PDE4B: variants seen among roughly 807,000 people sequenced by gnomAD.
PDE4B encodes 3',5'-cyclic-AMP phosphodiesterase 4B.
A neutral mutation model predicts 82.2 loss-of-function variants in PDE4B; 20 were observed. The ratio of observed to expected loss-of-function variants is 0.24; its 90% confidence interval spans 0.17 to 0.35. The LOEUF (loss-of-function observed/expected upper bound fraction) is 0.35, where lower values mean the gene tolerates loss of function less well. PDE4B is among the 10% of genes least tolerant of loss of function. PDE4B has a pLI of 1.00. For missense variants in PDE4B, 655 were observed against 907.2 expected (o/e 0.72, Z 3.57); for synonymous variants, 320 against 318.9 (o/e 1.00, Z -0.04).
rs546656452 is a variant in PDE4B, at chr1:65,958,988, A to T, written c.281+40153A>T. On this transcript the variant is annotated intron_variant, in intron 3 of 16. Coordinates refer to ENST00000341517, the MANE Select transcript of PDE4B (RefSeq NM_002600.4). ...AATTTGAGTGTGTTCTGTGCTTCCC[A>T]GATGCAGAAATAAAATATTTTCTTT... Among the ~76,000 whole-genome samples, 17 of 152,342 alleles carry T rather than the reference A, an allele frequency of 1.1e-4. No individual in the cohort carries two copies. In the South Asian group the frequency reaches 3.5e-3, roughly 32 times the overall value.
intron 9 of PDE4B, among the ~76,000 whole-genome samples, chr1:66,359,196 T>G (rs988020794): frequency 6.6e-6 from 1 of 152,238 alleles, no homozygotes. Context: ...ATTTTCAAGA[T>G]GCAAGGAAAA....
chr1:66,204,829 G>A (rs565282072), intron 3 of PDE4B, among the ~76,000 whole-genome samples: 13 of 152,286 alleles, frequency 8.5e-5, no homozygotes, highest in African/African-American at 1.9e-4. Context: ...GCTTCAGCTC[G>A]CTCACGGTGT....
intron 3 of PDE4B, among the ~76,000 whole-genome samples, chr1:66,162,656 T>C (rs1646640729): frequency 6.6e-6 from 1 of 152,172 alleles, no homozygotes; most frequent in Non-Finnish European, 1.5e-5. Context: ...GCATGCCAAA[T>C]TTAAAAATCT....
intron 3 of PDE4B, among the ~76,000 whole-genome samples, chr1:66,060,055 T>C (rs917417281): frequency 3.3e-5 from 5 of 152,236 alleles, no homozygotes; most frequent in East Asian, 1.9e-4. Context: ...ATGACCCATA[T>C]GTAAAGATTA....
intron 1 of PDE4B, among the ~76,000 whole-genome samples, chr1:65,883,609 G>C (rs1217550652): frequency 3.3e-5 from 5 of 152,208 alleles, no homozygotes; most frequent in Admixed American, 2.0e-4. Flanking sequence ...CAAACAGGGA[G>C]AATTTGACTT....
chr1:66,172,961 CTGAAGT>C (rs1163265357), intron 3 of PDE4B, among the ~76,000 whole-genome samples: 4 of 152,134 alleles, frequency 2.6e-5, no homozygotes, highest in Non-Finnish European at 5.9e-5. Context: ...CTTCTGGAAT[CTGAAGT>C]TGTATAATTA....
intron 3 of PDE4B, among the ~76,000 whole-genome samples, chr1:66,170,672 G>A (rs1557607902): frequency 6.6e-6 from 1 of 152,008 alleles, no homozygotes; most frequent in Non-Finnish European, 1.5e-5. Context: ...CCTCTTTTTA[G>A]AGCTATCAGA....
intron 3 of PDE4B, among the ~76,000 whole-genome samples, chr1:65,963,109 G>A (rs777343924): frequency 3.3e-5 from 5 of 152,088 alleles, no homozygotes; most frequent in African/African-American, 7.2e-5. Flanking sequence ...CTCAAGATGC[G>A]ACAAGTCAGC....
chr1:66,356,650 G>T (rs759141760), intron 9 of PDE4B, among the ~76,000 whole-genome samples: 2 of 152,136 alleles, frequency 1.3e-5, no homozygotes, highest in Non-Finnish European at 2.9e-5. Context: ...TACCTTTTCT[G>T]GTTTTATTTC....
chr1:66,091,686 T>C (rs2100994345), intron 3 of PDE4B, among the ~76,000 whole-genome samples: 1 of 152,118 alleles, frequency 6.6e-6, no homozygotes, highest in East Asian at 1.9e-4. Context: ...TTGTAGTTGC[T>C]CAAGAGTAGG....
At chr1:65,997,183 C>G (rs1202340956) in intron 3 of PDE4B, among the ~76,000 whole-genome samples, 1 of 129,146 alleles carries the variant, frequency 7.7e-6, no homozygotes, top group Non-Finnish European at 1.6e-5. Context: ...CATTGCTGCT[C>G]CTTTTTGGAG....
intron 1 of PDE4B, among the ~76,000 whole-genome samples, chr1:65,857,628 G>A (rs188599600): frequency 6.6e-6 from 1 of 152,142 alleles, no homozygotes; most frequent in South Asian, 2.1e-4. Context: ...TTGAATTCAG[G>A]CTGGACAACA....
At chr1:65,850,147 C>T (rs1646314849) in intron 1 of PDE4B, among the ~76,000 whole-genome samples, 1 of 128,040 alleles carries the variant, frequency 7.8e-6, no homozygotes, top group Non-Finnish European at 1.6e-5. Context: ...CAGAGTCTCT[C>T]TCTGTTGCCC....
chr1:65,947,562 C>A (rs2100562298), intron 3 of PDE4B, among the ~76,000 whole-genome samples: 1 of 152,008 alleles, frequency 6.6e-6, no homozygotes, highest in East Asian at 1.9e-4. Context: ...AGGGTGGATG[C>A]AGATATTATT....
chr1:66,131,949 C>A (rs1645959649), intron 3 of PDE4B, among the ~76,000 whole-genome samples: 2 of 151,828 alleles, frequency 1.3e-5, no homozygotes, highest in Admixed American at 1.3e-4. Context: ...AATGTAGAAC[C>A]CTATGAGGGA....
At chr1:66,159,321 C>T (rs1646563292) in intron 3 of PDE4B, among the ~76,000 whole-genome samples, 1 of 151,382 alleles carries the variant, frequency 6.6e-6, no homozygotes, top group Non-Finnish European at 1.5e-5. Flanking sequence ...TGGCTCACTG[C>T]TTTGCCTCCC....
At chr1:66,037,916 C>T (rs546158347) in intron 3 of PDE4B, among the ~76,000 whole-genome samples, 1 of 151,942 alleles carries the variant, frequency 6.6e-6, no homozygotes, top group African/African-American at 2.4e-5. Context: ...CTTTATTCAA[C>T]TTAGGTTTAA....
chr1:66,102,145 A>T (rs551418577), intron 3 of PDE4B, among the ~76,000 whole-genome samples: 5 of 151,966 alleles, frequency 3.3e-5, no homozygotes, highest in Non-Finnish European at 7.4e-5. Context: ...TTGTTTGTAG[A>T]TGTGTGGTAC....
intron 1 of PDE4B, among the ~76,000 whole-genome samples, chr1:65,899,544 C>T (rs949992114): frequency 2.4e-4 from 36 of 150,908 alleles, no homozygotes; most frequent in African/African-American, 5.1e-4. Context: ...CTGCACAATT[C>T]GCAATTGCAA....
Sources: gnomAD v4.1 joint callset for allele counts (sites outside exome capture counted in the v4.1 genomes callset) on GRCh38, gnomAD v4.1.1 for gene constraint, MANE v1.5 for transcripts, NCBI Gene and HGNC (gene_info 2026-07-23, HGNC 2026-07-21) for gene names.